Variants in RNASE10 observed in about 807,000 individuals in gnomAD.
RNASE10 encodes ribonuclease A family member 10 (inactive).
RNASE10 carries 2 observed loss-of-function variants against 1.1 expected under a neutral mutation model. That is an observed-to-expected ratio of 1.82 (90% confidence interval 0.74 to 5.73). RNASE10 has a LOEUF of 5.73. Ranked by LOEUF, RNASE10 falls within the 30% of genes most tolerant of loss-of-function variation. RNASE10 has a pLI of 0.05. For missense variants in RNASE10, 276 were observed against 263.4 expected (o/e 1.05, Z -0.33); for synonymous variants, 97 against 96.2 (o/e 1.01, Z -0.05).
chr14:20,512,826 G>T (rs1882930173), downstream of RNASE10, among the ~76,000 whole-genome samples: 1 of 152,162 alleles, frequency 6.6e-6, no homozygotes, highest in South Asian at 2.1e-4. Flanking sequence ...AGATTCCTAT[G>T]CTTCCTGAGG....
intron 1 of RNASE10, among the ~76,000 whole-genome samples, chr14:20,506,287 C>T (rs1882712658): frequency 8.1e-6 from 1 of 123,838 alleles, no homozygotes; most frequent in African/African-American, 3.2e-5. Flanking sequence ...TCTGCCCGGC[C>T]AGCCGCCCCG....
At position 20,510,590 on chromosome 14, in the gene RNASE10, C is replaced by T. The variant is rs369337174; in HGVS notation, c.203C>T (p.Pro68Leu). The T allele has an allele frequency of 2.9e-5, 47 of 1,614,020 alleles. No individual in the cohort carries two copies. Among genetic ancestry groups the T allele is most frequent in the Non-Finnish European group, 3.6e-5 (43 of 1,180,028 alleles). The change falls in exon 2 of 2, where the codon CCG becomes CTG. Residue 68 changes from proline to leucine, a missense_variant. By Grantham distance (98) the Pro-to-Leu change is moderately conservative. Transcript: ENST00000430083. ...GCAGTCTTGGAGGAGAGTGATCAACCGCTCAATGAATTTTGGTCCAGTGAC... is the reference window on the plus strand; with the variant it reads ...GCAGTCTTGGAGGAGAGTGATCAACTGCTCAATGAATTTTGGTCCAGTGAC...
At chr14:20,507,024 G>C (rs1295228233) in intron 1 of RNASE10, among the ~76,000 whole-genome samples, 1 of 150,334 alleles carries the variant, frequency 6.7e-6, no homozygotes. Context: ...CAGCCGCCCT[G>C]TCCGGGAGGT....
At chr14:20,509,378 C>T (rs949304814) in intron 1 of RNASE10, among the ~76,000 whole-genome samples, 11 of 152,208 alleles carry the variant, frequency 7.2e-5, no homozygotes, top group Non-Finnish European at 1.2e-4. Context: ...AGGGGAACCC[C>T]CAGCAGGTCA....
exon 2 of RNASE10, chr14:20,510,802 A>G: frequency 2.5e-6 from 4 of 1,614,234 alleles, no homozygotes; most frequent in Non-Finnish European, 3.4e-6. Context: ...AGACTATCTT[A>G]GGCTTGACCA....
At chr14:20,506,968 C>T (rs1189037261) in intron 1 of RNASE10, among the ~76,000 whole-genome samples, 1 of 145,250 alleles carries the variant, frequency 6.9e-6, no homozygotes, top group African/African-American at 2.6e-5. Context: ...CCCGGCCAGC[C>T]GCCCCGTCCG....
In RNASE10 at chr14:20,510,453, C is replaced by T. The variant is rs139620381; in HGVS notation, c.80-14C>T. 2.6e-5 allele frequency: 41 copies of T among 1,595,866 alleles called. No individual in the cohort carries two copies. The highest frequency in any genetic ancestry group is 1.4e-4 in the Admixed American group (8 of 57,076). On this transcript the variant is annotated splice_polypyrimidine_tract_variant and intron_variant, in intron 1 of 1. Transcript: ENST00000430083. ...CTCAAAGTCACGTTCTTCCATTTCCCGCTTCCTCTCCAGGCAAAATGAAGC... is the reference window on the plus strand; with the variant it reads ...CTCAAAGTCACGTTCTTCCATTTCCTGCTTCCTCTCCAGGCAAAATGAAGC...
intron 1 of RNASE10, among the ~76,000 whole-genome samples, chr14:20,508,214 TAAAC>T (rs1179195792): frequency 1.3e-5 from 2 of 152,214 alleles, no homozygotes; most frequent in African/African-American, 4.8e-5. Flanking sequence ...GATATTTTCT[TAAAC>T]AATCAGGGTA....
chr14:20,506,474 G>T (rs1390877209), intron 1 of RNASE10, among the ~76,000 whole-genome samples: 1 of 131,210 alleles, frequency 7.6e-6, no homozygotes, highest in African/African-American at 3.0e-5. Flanking sequence ...CAGCCGCCCC[G>T]TCCGGGAGGG....
At chr14:20,511,181 T>C, downstream of RNASE10, 1 of 1,271,666 alleles carries the variant, frequency 7.9e-7, no homozygotes, top group Non-Finnish European at 1.0e-6. Flanking sequence ...TTTTTACTTC[T>C]TCTTTCTCAT....
intron 1 of RNASE10, among the ~76,000 whole-genome samples, chr14:20,509,953 C>CAA (rs375096247): frequency 0.18 from 21,294 of 121,280 alleles, 2,648 homozygotes; most frequent in East Asian, 0.59. Flanking sequence ...AGACTCGTCT[C>CAA]AAAAAAAAAA....
downstream of RNASE10, among the ~76,000 whole-genome samples, chr14:20,512,971 T>C (rs1882933965): frequency 6.6e-6 from 1 of 152,178 alleles, no homozygotes; most frequent in African/African-American, 2.4e-5. Context: ...GTCTGGTAGG[T>C]AAACCAAGGA....
intron 1 of RNASE10, among the ~76,000 whole-genome samples, chr14:20,508,443 C>T (rs939448431): frequency 5.9e-5 from 9 of 152,188 alleles, no homozygotes; most frequent in African/African-American, 1.9e-4. Flanking sequence ...ATCCCTTTGT[C>T]CAGCGTGTCC....
chr14:20,509,968 A>G (rs1445609609), intron 1 of RNASE10, among the ~76,000 whole-genome samples: 1 of 151,054 alleles, frequency 6.6e-6, no homozygotes, highest in African/African-American at 2.4e-5. Context: ...AAAAAAAAAA[A>G]AAGAGCTGGG....
chr14:20,506,127 C>G (rs1594439321), intron 1 of RNASE10, 108 bp downstream of exon 1: 6 of 139,242 alleles, frequency 4.3e-5, no homozygotes, highest in East Asian at 2.2e-4. Flanking sequence ...GCAGCCACCC[C>G]GTCTGGGAAG....
At chr14:20,511,958 T>C (rs1882909772), downstream of RNASE10, among the ~76,000 whole-genome samples, 1 of 152,064 alleles carries the variant, frequency 6.6e-6, no homozygotes, top group Non-Finnish European at 1.5e-5. Flanking sequence ...ATGTTGGTCC[T>C]ATAGTCAGTC....
intron 1 of RNASE10, among the ~76,000 whole-genome samples, chr14:20,508,706 A>G (rs1237502551): frequency 6.6e-6 from 1 of 152,078 alleles, no homozygotes; most frequent in Non-Finnish European, 1.5e-5. Flanking sequence ...TAAAATCTAC[A>G]GTAAGAAAGA....
intron 1 of RNASE10, among the ~76,000 whole-genome samples, chr14:20,507,534 C>T (rs1882777935): frequency 7.2e-6 from 1 of 139,822 alleles, no homozygotes; most frequent in South Asian, 2.3e-4. Context: ...ACTTGTTTAT[C>T]TGCTGACCTT....
chr14:20,504,681 C>A (rs141942650), upstream of RNASE10, among the ~76,000 whole-genome samples: 13,168 of 65,644 alleles, frequency 0.2, 697 homozygotes, highest in Middle Eastern at 0.3. Flanking sequence ...GAGAGAGACT[C>A]CGTCTCAAAA....
Sources: gnomAD v4.1 joint callset for allele counts (sites outside exome capture counted in the v4.1 genomes callset) on GRCh38, gnomAD v4.1.1 for gene constraint, MANE v1.5 for transcripts, NCBI Gene and HGNC (gene_info 2026-07-23, HGNC 2026-07-21) for gene names.